Variants in CACNA2D1 observed in about 807,000 individuals in gnomAD.
CACNA2D1 encodes the protein voltage-dependent calcium channel subunit alpha-2/delta-1.
CACNA2D1 carries 53 observed loss-of-function variants against 171.5 expected under a neutral mutation model. That is an observed-to-expected ratio of 0.31 (90% CI 0.25 to 0.39). The LOEUF (loss-of-function observed/expected upper bound fraction) is 0.39, where lower values mean the gene tolerates loss of function less well. Among genes scored for constraint, CACNA2D1 ranks in the 10% least tolerant of loss-of-function variants. The probability of loss-of-function intolerance (pLI) is 1.00; values close to 1 mark genes in which losing one functional copy is unlikely to be tolerated. For missense variants in CACNA2D1, 903 were observed against 1,299.8 expected (o/e 0.69, Z 4.69); for synonymous variants, 442 against 443.1 (o/e 1.00, Z 0.03).
intron 3 of CACNA2D1, among the ~76,000 whole-genome samples, chr7:82,200,355 C>T (rs1799282971): frequency 6.6e-6 from 1 of 151,648 alleles, no homozygotes; most frequent in South Asian, 2.1e-4. Flanking sequence ...TTGAAATATA[C>T]CTGTGAATAA....
intron 16 of CACNA2D1, among the ~76,000 whole-genome samples, chr7:82,007,253 A>G (rs1388046553): frequency 6.6e-6 from 1 of 152,164 alleles, no homozygotes; most frequent in Non-Finnish European, 1.5e-5. Context: ...TTAAAAAGCT[A>G]TTGTTTGGGA....
intron 3 of CACNA2D1, among the ~76,000 whole-genome samples, chr7:82,263,175 C>G (rs576539268): frequency 1.8e-4 from 24 of 135,178 alleles, no homozygotes; most frequent in Non-Finnish European, 3.0e-4. Context: ...GTGGTGTAAT[C>G]TCAGCTCACT....
At chr7:82,043,473 T>A (rs377182687) in intron 10 of CACNA2D1, among the ~76,000 whole-genome samples, 1 of 152,196 alleles carries the variant, frequency 6.6e-6, no homozygotes, top group East Asian at 1.9e-4. Context: ...AACAGGATGA[T>A]ACAAGTGTCC....
chr7:81,950,348 G>C lies in CACNA2D1; in HGVS notation c.*44C>G. The stretch of plus-strand genomic sequence containing the variant: ...TAATTGAGGGCAGGGCTCATGTTTT[G>C]GCAGGGTCTGGAGTTTAACTATGCA... On this transcript the variant is annotated 3_prime_UTR_variant, in exon 39 of 39. Coordinates refer to ENST00000356860, the MANE Select transcript of CACNA2D1 (RefSeq NM_000722.4). 1.9e-6 allele frequency: 3 copies of C among 1,612,630 alleles called. No homozygotes were observed. Among genetic ancestry groups the C allele is most frequent in the Non-Finnish European group, 2.5e-6 (3 of 1,179,122 alleles).
At chr7:82,313,395 A>T (rs1585447347) in intron 3 of CACNA2D1, among the ~76,000 whole-genome samples, 2 of 152,316 alleles carry the variant, frequency 1.3e-5, no homozygotes, top group East Asian at 3.9e-4. Flanking sequence ...GTTGAGAAAA[A>T]TCTATATTGG....
At chr7:82,054,997 A>G (rs1805634441) in intron 10 of CACNA2D1, among the ~76,000 whole-genome samples, 1 of 152,118 alleles carries the variant, frequency 6.6e-6, no homozygotes, top group Non-Finnish European at 1.5e-5. Flanking sequence ...AAGCCAGAAA[A>G]CCTGTGTGGC....
intron 6 of CACNA2D1, among the ~76,000 whole-genome samples, chr7:82,111,444 A>ATATATATATATATATATATT (rs1207440298): frequency 1.4e-5 from 1 of 69,968 alleles, no homozygotes; most frequent in African/African-American, 6.8e-5. Flanking sequence ...ATATATATAT[A>ATATATATATATATATATATT]TTTTTTTTTT....
At chr7:82,008,420 T>C (rs1799370042) in intron 15 of CACNA2D1, among the ~76,000 whole-genome samples, 1 of 152,096 alleles carries the variant, frequency 6.6e-6, no homozygotes, top group African/African-American at 2.4e-5. Context: ...AAGTCTAGTC[T>C]GAAGAGTTTA....
intron 1 of CACNA2D1, among the ~76,000 whole-genome samples, chr7:82,411,693 A>T (rs187714277): frequency 1.4e-4 from 21 of 152,260 alleles, no homozygotes; most frequent in African/African-American, 4.3e-4. Flanking sequence ...GGAGCAGAAG[A>T]ACTAGAAGTA....
chr7:82,264,228 T>C (rs1275552101), intron 3 of CACNA2D1, among the ~76,000 whole-genome samples: 5 of 152,226 alleles, frequency 3.3e-5, no homozygotes, highest in Non-Finnish European at 7.3e-5. Flanking sequence ...TATATTTCTA[T>C]TTCTAGTCTT....
intron 3 of CACNA2D1, among the ~76,000 whole-genome samples, chr7:82,258,899 C>T (rs940444081): frequency 1.4e-5 from 2 of 140,168 alleles, no homozygotes; most frequent in African/African-American, 5.3e-5. Flanking sequence ...CCAGTCTCAG[C>T]TCCCTGCAAC....
At chr7:82,373,715 G>T (rs1822681779) in intron 1 of CACNA2D1, among the ~76,000 whole-genome samples, 1 of 152,140 alleles carries the variant, frequency 6.6e-6, no homozygotes, top group South Asian at 2.1e-4. Flanking sequence ...AGAACACTGA[G>T]CTCCTTAGAC....
intron 4 of CACNA2D1, 28 bp from the exon 5 acceptor site, chr7:82,136,704 A>T: frequency 5.4e-6 from 8 of 1,474,870 alleles, no homozygotes; most frequent in African/African-American, 1.4e-5. Context: ...CGCTTTATTG[A>T]TTTTAATAAA....
chr7:82,054,020 A>C (rs1321669255), intron 10 of CACNA2D1, among the ~76,000 whole-genome samples: 1 of 152,200 alleles, frequency 6.6e-6, no homozygotes, highest in African/African-American at 2.4e-5. Context: ...TTCTTAAGAA[A>C]TTAGTTAACA....
chr7:82,400,571 C>T (rs62465977), intron 1 of CACNA2D1, among the ~76,000 whole-genome samples: 26,149 of 150,926 alleles, frequency 0.17, 2,854 homozygotes, highest in East Asian at 0.45. Flanking sequence ...GGATTAAAGA[C>T]TTAAACGTTA....
intron 6 of CACNA2D1, among the ~76,000 whole-genome samples, chr7:82,104,817 A>T (rs1935747441): frequency 6.6e-6 from 1 of 152,110 alleles, no homozygotes. Flanking sequence ...AATTGAAGTG[A>T]TGTGACTACA....
At chr7:82,044,420 A>G (rs904235790) in intron 10 of CACNA2D1, among the ~76,000 whole-genome samples, 2 of 152,222 alleles carry the variant, frequency 1.3e-5, no homozygotes, top group Non-Finnish European at 2.9e-5. Context: ...TGTAAAATAA[A>G]TAATGGTGCA....
intron 6 of CACNA2D1, among the ~76,000 whole-genome samples, chr7:82,100,841 T>A (rs1294881204): frequency 2.0e-5 from 3 of 148,880 alleles, no homozygotes; most frequent in Non-Finnish European, 4.5e-5. Context: ...TTTTTTTTTT[T>A]CTGGCAAATG....
chr7:82,208,211 T>C (rs1800204530), intron 3 of CACNA2D1, among the ~76,000 whole-genome samples: 2 of 152,172 alleles, frequency 1.3e-5, no homozygotes, highest in South Asian at 2.1e-4. Flanking sequence ...TTTAAATGTT[T>C]AATAAATATG....
Sources: gnomAD v4.1 joint callset for allele counts (sites outside exome capture counted in the v4.1 genomes callset) on GRCh38, gnomAD v4.1.1 for gene constraint, MANE v1.5 for transcripts, NCBI Gene and HGNC (gene_info 2026-07-23, HGNC 2026-07-21) for gene names.